Variants in CADPS observed in about 807,000 individuals in gnomAD.
The protein encoded by CADPS is calcium-dependent secretion activator 1.
A neutral mutation model predicts 167.3 loss-of-function variants in CADPS; 57 were observed. The ratio of observed to expected loss-of-function variants is 0.34; its 90% CI spans 0.28 to 0.42. The LOEUF is 0.42. Among genes scored for constraint, CADPS ranks in the 20% least tolerant of loss-of-function variants. The pLI, the probability that CADPS is intolerant of heterozygous loss-of-function variation, is 1.00. For missense variants in CADPS, 1,414 were observed against 1,738.1 expected (o/e 0.81, Z 3.32); for synonymous variants, 676 against 635.3 (o/e 1.06, Z -0.96).
At chr3:62,537,613 T>G (rs1422838189) in intron 11 of CADPS, among the ~76,000 whole-genome samples, 1 of 152,120 alleles carries the variant, frequency 6.6e-6, no homozygotes, top group Non-Finnish European at 1.5e-5. Flanking sequence ...ATGAAACATC[T>G]TACTGGAATA....
intron 14 of CADPS, among the ~76,000 whole-genome samples, chr3:62,517,696 C>T (rs1280707602): frequency 6.6e-6 from 1 of 152,102 alleles, no homozygotes; most frequent in Non-Finnish European, 1.5e-5. Context: ...AGGGGAGATT[C>T]AATCCACCCA....
intron 1 of CADPS, among the ~76,000 whole-genome samples, chr3:62,773,164 G>C (rs2089367903): frequency 6.6e-6 from 1 of 151,594 alleles, no homozygotes; most frequent in South Asian, 2.1e-4. Context: ...TTTATATTGG[G>C]CCATGAATTT....
At chr3:62,548,051 A>T (rs1034403905) in intron 11 of CADPS, among the ~76,000 whole-genome samples, 1 of 152,166 alleles carries the variant, frequency 6.6e-6, no homozygotes, top group Admixed American at 6.5e-5. Flanking sequence ...TCCAAATATC[A>T]CCTGAGATAC....
chr3:62,599,326 A>G (rs1403006511), intron 6 of CADPS, among the ~76,000 whole-genome samples: 1 of 150,898 alleles, frequency 6.6e-6, no homozygotes, highest in Non-Finnish European at 1.5e-5. Flanking sequence ...ATAGCCACCA[A>G]TTATTGAGTA....
intron 8 of CADPS, among the ~76,000 whole-genome samples, chr3:62,573,946 A>T (rs762464783): frequency 6.6e-6 from 1 of 152,208 alleles, no homozygotes; most frequent in Non-Finnish European, 1.5e-5. Flanking sequence ...GTTATAGTTC[A>T]GTTGGTTTTA....
intron 3 of CADPS, among the ~76,000 whole-genome samples, chr3:62,728,307 A>G (rs1031602562): frequency 4.6e-5 from 7 of 151,808 alleles, no homozygotes; most frequent in African/African-American, 1.5e-4. Context: ...CTCCTCTCGA[A>G]CATCTGCAGG....
intron 27 of CADPS, among the ~76,000 whole-genome samples, chr3:62,441,921 G>A (rs1343614510): frequency 6.6e-6 from 1 of 152,126 alleles, no homozygotes; most frequent in African/African-American, 2.4e-5. Flanking sequence ...TTCCCAACTT[G>A]TACTACTTAT....
Position 62,512,765 on chromosome 3 carries a change from T to C in CADPS, c.2585A>G (p.Asn862Ser). Reference sequence around the variant, plus strand: ...AATTGGTTCACCTGCATCCTTTTGATTCTCTATTTGAAAGAGAGAGCACAA... The same window carrying C: ...AATTGGTTCACCTGCATCCTTTTGACTCTCTATTTGAAAGAGAGAGCACAA... ...RLSEYAKIEE[N>S]QKDAENVGRL... Residue 862 changes from asparagine (N) to serine (S), a missense_variant, in exon 17 of 30, where the codon AAT becomes AGT. Asn to Ser is a conservative substitution (Grantham distance 46). Coordinates refer to ENST00000383710, the MANE Select transcript of CADPS (RefSeq NM_003716.4). 6.2e-7 allele frequency: 1 copy of C among 1,604,904 alleles called. No individual in the cohort carries two copies. Among genetic ancestry groups the C allele is most frequent in the Non-Finnish European group, 8.5e-7 (1 of 1,173,698 alleles).
At chr3:62,599,519 ATT>A (rs1453926977) in intron 6 of CADPS, among the ~76,000 whole-genome samples, 1 of 111,942 alleles carries the variant, frequency 8.9e-6, no homozygotes, top group Non-Finnish European at 1.7e-5. Context: ...TTATATATAT[ATT>A]ACATATATAT....
At position 62,753,357 on chromosome 3, in the gene CADPS, T is replaced by A. The variant is rs570013935; in HGVS notation, c.888+84A>T. The A allele has an allele frequency of 1.0e-4, 109 of 1,041,660 alleles. 1 individual carries two copies. Among genetic ancestry groups the A allele is most frequent in the Admixed American group, 4.0e-4 (17 of 43,002 alleles). 64.5% of individuals were successfully genotyped at this position (1,041,660 alleles called of 1,614,324 possible). A position where few individuals can be genotyped will look rare whatever the true frequency, so the allele number is the denominator to read the frequency against. ...AAAATATAAGTTTTAATCCTTTTTT[T>A]AAAAAAATCAAGAAGTATCTCATAG... is the stretch of plus-strand genomic sequence containing the variant. On this transcript the variant is annotated intron_variant, in intron 3 of 29. Coordinates refer to ENST00000383710, the MANE Select transcript of CADPS (RefSeq NM_003716.4). This position sits in a 1 kb window ranked among gnomAD's most constrained non-coding sequence, Gnocchi z 4.6.
intron 1 of CADPS, among the ~76,000 whole-genome samples, chr3:62,856,415 C>G (rs1470498143): frequency 6.6e-6 from 1 of 152,106 alleles, no homozygotes; most frequent in Non-Finnish European, 1.5e-5. Context: ...TATCAGCTTT[C>G]TTTATGTTAA....
At chr3:62,594,732 G>T (rs2058682851) in intron 6 of CADPS, among the ~76,000 whole-genome samples, 2 of 152,100 alleles carry the variant, frequency 1.3e-5, no homozygotes, top group Admixed American at 1.3e-4. Flanking sequence ...CTAGCTGGGA[G>T]ATCACTTCTT....
chr3:62,619,592 G>C (rs2062851575), intron 6 of CADPS, among the ~76,000 whole-genome samples: 1 of 152,128 alleles, frequency 6.6e-6, no homozygotes, highest in African/African-American at 2.4e-5. Flanking sequence ...TGGCTTAGAG[G>C]AGAGGAGGCT....
intron 4 of CADPS, among the ~76,000 whole-genome samples, chr3:62,659,134 A>T (rs2072510784): frequency 6.6e-6 from 1 of 152,196 alleles, no homozygotes; most frequent in South Asian, 2.1e-4. Context: ...GATGGATGAC[A>T]TCTATATCCA....
intron 13 of CADPS, among the ~76,000 whole-genome samples, chr3:62,530,011 T>C (rs1002009040): frequency 1.3e-5 from 2 of 152,150 alleles, no homozygotes; most frequent in African/African-American, 2.4e-5. Flanking sequence ...CGCCAATTTA[T>C]AAACCCGCAA....
intron 3 of CADPS, among the ~76,000 whole-genome samples, chr3:62,723,109 A>G (rs1009015357): frequency 2.0e-5 from 3 of 152,244 alleles, no homozygotes; most frequent in African/African-American, 7.2e-5. Flanking sequence ...CCCAGTTTTA[A>G]GAAAAAGGAG....
At chr3:62,834,187 G>T (rs778005439) in intron 1 of CADPS, among the ~76,000 whole-genome samples, 1 of 152,148 alleles carries the variant, frequency 6.6e-6, no homozygotes, top group Non-Finnish European at 1.5e-5. Context: ...CATACAACAT[G>T]AAGAGGTGCT....
intron 2 of CADPS, among the ~76,000 whole-genome samples, chr3:62,761,206 ATTG>A (rs574124644): frequency 1.3e-5 from 2 of 152,182 alleles, no homozygotes; most frequent in Non-Finnish European, 2.9e-5. Context: ...ACAGCAAACT[ATTG>A]TTGTTGTTGT....
In CADPS at chr3:62,700,707, T is replaced by C. The variant is rs140324215; in HGVS notation, c.889-38313A>G. ...TCCCTTAATTGTCACAGCGACTCTA[T>C]GAAGGACATCCCATTCTTATGCTCA... is the stretch of plus-strand genomic sequence containing the variant. On this transcript the variant is annotated intron_variant, in intron 3 of 29. Coordinates refer to ENST00000383710, the MANE Select transcript of CADPS (RefSeq NM_003716.4). 2.9e-3 allele frequency among the ~76,000 whole-genome samples: 442 copies of C among 152,202 alleles called. 4 individuals are homozygous for C. Among genetic ancestry groups the C allele is most frequent in the African/African-American group, 0.01 (430 of 41,518 alleles).
Sources: gnomAD v4.1 joint callset for allele counts (sites outside exome capture counted in the v4.1 genomes callset) on GRCh38, gnomAD v4.1.1 for gene constraint, Gnocchi (gnomAD v3.1) non-coding constraint, MANE v1.5 for transcripts, NCBI Gene and HGNC (gene_info 2026-07-23, HGNC 2026-07-21) for gene names.